SOX6: variants seen among roughly 807,000 people sequenced by gnomAD.
The protein encoded by SOX6 is SRY-box transcription factor 6, also known as transcription factor SOX-6.
SOX6 carries 11 observed loss-of-function variants against 97.8 expected under a neutral mutation model. The observed-to-expected ratio is 0.11, with a 90% CI of 0.07 to 0.19. The LOEUF (loss-of-function observed/expected upper bound fraction) is 0.19, where lower values mean the gene tolerates loss of function less well. Among genes scored for constraint, SOX6 ranks in the 10% least tolerant of loss-of-function variants. SOX6 has a pLI of 1.00. For missense variants in SOX6, 810 were observed against 1,039.5 expected (o/e 0.78, Z 3.04); for synonymous variants, 360 against 371.4 (o/e 0.97, Z 0.35).
chr11:16,344,420 C>A (rs944458214), intron 1 of SOX6, among the ~76,000 whole-genome samples: 2 of 151,908 alleles, frequency 1.3e-5, no homozygotes, highest in Non-Finnish European at 2.9e-5. Flanking sequence ...TCATTCATTT[C>A]TTTAGCTTTC....
At chr11:16,017,588 G>C (rs1854926477) in intron 12 of SOX6, among the ~76,000 whole-genome samples, 1 of 152,044 alleles carries the variant, frequency 6.6e-6, no homozygotes, top group South Asian at 2.1e-4. Context: ...AAGAGGGCCT[G>C]ATGTCTACAA....
chr11:16,395,225 C>A (rs1858315655), intron 1 of SOX6, among the ~76,000 whole-genome samples: 1 of 151,776 alleles, frequency 6.6e-6, no homozygotes, highest in Non-Finnish European at 1.5e-5. Flanking sequence ...ACAAAATGGG[C>A]CAGTCCGGAG....
At chr11:16,653,901 T>C (rs910757241) in intron 3 of SOX6, among the ~76,000 whole-genome samples, 3 of 106,824 alleles carry the variant, frequency 2.8e-5, no homozygotes, top group East Asian at 2.4e-4. Flanking sequence ...ATAATATTTA[T>C]GTAATATTAC....
chr11:16,270,654 A>ACACACAC (rs1854227089), intron 3 of SOX6, among the ~76,000 whole-genome samples: 1 of 149,274 alleles, frequency 6.7e-6, no homozygotes, highest in East Asian at 2.0e-4. Flanking sequence ...CACACACACA[A>ACACACAC]ACACACACAC....
intron 6 of SOX6, among the ~76,000 whole-genome samples, chr11:16,165,300 C>T (rs1053472864): frequency 2.0e-5 from 3 of 152,138 alleles, no homozygotes; most frequent in African/African-American, 4.8e-5. Flanking sequence ...GCTCAAATGT[C>T]TCTCTTACTA....
chr11:16,510,944 C>T (rs1404131370), intron 4 of SOX6, among the ~76,000 whole-genome samples: 1 of 151,970 alleles, frequency 6.6e-6, no homozygotes, highest in Non-Finnish European at 1.5e-5. Context: ...ATAAAACCCC[C>T]AACATTTTTT....
chr11:16,084,358 TA>T (rs1448944016), intron 9 of SOX6, among the ~76,000 whole-genome samples: 1 of 152,036 alleles, frequency 6.6e-6, no homozygotes, highest in African/African-American at 2.4e-5. Flanking sequence ...CTTCATTGCT[TA>T]AAAGAGTACC....
chr11:16,532,495 G>A (rs79079323), intron 4 of SOX6, among the ~76,000 whole-genome samples: 2,079 of 151,896 alleles, frequency 0.014, 53 homozygotes, highest in African/African-American at 0.048. Context: ...TAGTAATCTT[G>A]CTCACTTAAT....
rs190281384 is a variant in SOX6, at chr11:16,268,896, C to T, written c.446-34225G>A. Among the ~76,000 whole-genome samples, 26 of 150,812 alleles carry T rather than the reference C, an allele frequency of 1.7e-4. No individual in the cohort carries two copies. The East Asian group carries it at 4.5e-3, about 26-fold the overall frequency. The stretch of plus-strand genomic sequence containing the variant: ...ATTTGTAGGTTTTGTTTTGGTTTTA[C>T]TTATGATCTTTTTAACATGCAAATA... On this transcript the variant is annotated intron_variant, in intron 3 of 15. Coordinates refer to ENST00000683767, the MANE Select transcript of SOX6 (RefSeq NM_001367873.1).
intron 4 of SOX6, among the ~76,000 whole-genome samples, chr11:16,535,075 T>C (rs1196458628): frequency 6.6e-6 from 1 of 152,196 alleles, no homozygotes; most frequent in Non-Finnish European, 1.5e-5. Flanking sequence ...GACCTGCATA[T>C]TGAAGGGCAG....
intron 12 of SOX6, among the ~76,000 whole-genome samples, chr11:16,028,831 T>C (rs1025567318): frequency 2.0e-5 from 3 of 152,116 alleles, no homozygotes; most frequent in Non-Finnish European, 4.4e-5. Context: ...AATAAGTAAA[T>C]AGAATAAAAA....
At chr11:16,504,844 G>T (rs1188432823) in intron 4 of SOX6, among the ~76,000 whole-genome samples, 1 of 152,054 alleles carries the variant, frequency 6.6e-6, no homozygotes. Context: ...GCTCCTGCTG[G>T]CCATGGGAAG....
At chr11:16,711,945 C>T (rs1848183963) in intron 3 of SOX6, among the ~76,000 whole-genome samples, 1 of 152,168 alleles carries the variant, frequency 6.6e-6, no homozygotes, top group Admixed American at 6.5e-5. Context: ...TTAGCTCCCA[C>T]ATATCAGTGA....
At chr11:16,284,710 A>C (rs1428814319) in intron 3 of SOX6, among the ~76,000 whole-genome samples, 1 of 152,092 alleles carries the variant, frequency 6.6e-6, no homozygotes, top group African/African-American at 2.4e-5. Flanking sequence ...ATGATCCAGG[A>C]AGTGTGGGTG....
At chr11:16,190,901 AT>A (rs1196911819) in intron 4 of SOX6, among the ~76,000 whole-genome samples, 2 of 152,202 alleles carry the variant, frequency 1.3e-5, no homozygotes, top group Admixed American at 1.3e-4. Flanking sequence ...TCCTGTTTTA[AT>A]TAACAGCATG....
chr11:16,242,889 C>T (rs1392756266), intron 3 of SOX6, among the ~76,000 whole-genome samples: 1 of 151,820 alleles, frequency 6.6e-6, no homozygotes, highest in Non-Finnish European at 1.5e-5. Flanking sequence ...TATAGTTTGA[C>T]CCTGCTGATT....
At chr11:16,717,679 T>C (rs1161331562) in intron 2 of SOX6, among the ~76,000 whole-genome samples, 2 of 152,098 alleles carry the variant, frequency 1.3e-5, no homozygotes, top group Non-Finnish European at 2.9e-5. Context: ...CACACTACCC[T>C]CTTTCTCTTA....
chr11:16,685,509 C>A (rs968345945), intron 3 of SOX6, among the ~76,000 whole-genome samples: 3 of 152,242 alleles, frequency 2.0e-5, no homozygotes, highest in Non-Finnish European at 4.4e-5. Flanking sequence ...TTCATTAAAC[C>A]TTAAAGCTCC....
At chr11:16,696,956 C>T (rs1848058495) in intron 3 of SOX6, among the ~76,000 whole-genome samples, 1 of 149,678 alleles carries the variant, frequency 6.7e-6, no homozygotes, top group African/African-American at 2.5e-5. Context: ...GCTTTATTAA[C>T]TAAGTTTATG....
Sources: allele counts gnomAD v4.1 joint callset (sites outside exome capture counted in the v4.1 genomes callset), GRCh38; gene constraint gnomAD v4.1.1; transcripts MANE v1.5; gene names NCBI Gene and HGNC (gene_info 2026-07-23, HGNC 2026-07-21).